The following PSMD1 variants were observed in gnomAD, a reference collection of about 807,000 sequenced individuals.
The protein encoded by PSMD1 is proteasome 26S subunit, non-ATPase 1, also known as 26S proteasome non-ATPase regulatory subunit 1.
PSMD1 carries 18 observed loss-of-function variants against 119.0 expected under a neutral mutation model. The observed-to-expected ratio is 0.15, with a 90% CI of 0.10 to 0.22. The LOEUF (loss-of-function observed/expected upper bound fraction) is 0.22. Among genes scored for constraint, PSMD1 ranks in the 10% least tolerant of loss-of-function variants. The pLI is 1.00. For missense variants in PSMD1, 702 were observed against 1,158.5 expected, an observed-to-expected ratio of 0.61 and a Z score of 5.72; for synonymous variants, 374 against 396.6, an observed-to-expected ratio of 0.94 and a Z score of 0.68.
intron 15 of PSMD1, among the ~76,000 whole-genome samples, chr2:231,086,666 AAGAG>A (rs928753775): frequency 2.6e-5 from 4 of 152,310 alleles, no homozygotes; most frequent in East Asian, 3.9e-4. Flanking sequence ...TAAAAAGAAA[AAGAG>A]AGAGAAAAGT....
intron 16 of PSMD1, among the ~76,000 whole-genome samples, chr2:231,136,261 C>T (rs900568089): frequency 1.3e-5 from 2 of 152,190 alleles, no homozygotes; most frequent in African/African-American, 4.8e-5. Context: ...GGCAGGACCT[C>T]CAAACTCAGT....
At chr2:231,117,551 A>G (rs998287800) in intron 16 of PSMD1, among the ~76,000 whole-genome samples, 10 of 152,200 alleles carry the variant, frequency 6.6e-5, no homozygotes, top group Admixed American at 5.9e-4. Flanking sequence ...CTTGTCTTAT[A>G]GACAATTGTT....
At chr2:231,124,234 T>G (rs538539876) in intron 16 of PSMD1, 1 of 164,246 alleles carries the variant, frequency 6.1e-6, no homozygotes, top group East Asian at 1.7e-4. Flanking sequence ...TGTTGTGCAT[T>G]TGTGACAATG....
At chr2:231,109,668 C>G (rs1695089346) in intron 16 of PSMD1, among the ~76,000 whole-genome samples, 1 of 152,180 alleles carries the variant, frequency 6.6e-6, no homozygotes, top group Non-Finnish European at 1.5e-5. Flanking sequence ...TATAGTATAT[C>G]CATGATACAG....
At chr2:231,133,153 T>TA (rs2125243177) in intron 16 of PSMD1, among the ~76,000 whole-genome samples, 1 of 152,294 alleles carries the variant, frequency 6.6e-6, no homozygotes, top group African/African-American at 2.4e-5. Flanking sequence ...GGGAATTAAA[T>TA]AGAGACAGAT....
Position 231,168,836 on chromosome 2 carries a change from G to T in PSMD1, c.2716-1730G>T, listed in dbSNP as rs79715030. 8.1e-3 allele frequency among the ~76,000 whole-genome samples: 1,238 copies of T among 152,302 alleles called. 19 individuals carry two copies. The highest frequency in any genetic ancestry group is 0.029 in the African/African-American group (1,187 of 41,548). ...AAGAAAACACTGCCTCTGTGTATGT[G>T]CAGTGACTCACTCCCCTACCCTCAG... On this transcript the variant is annotated intron_variant, in intron 23 of 24. Transcript: ENST00000308696.
intron 16 of PSMD1, among the ~76,000 whole-genome samples, chr2:231,115,120 G>C (rs1278170026): frequency 6.6e-6 from 1 of 151,966 alleles, no homozygotes; most frequent in Admixed American, 6.6e-5. Flanking sequence ...AGAACAACAA[G>C]AGACTCTTCT....
chr2:231,080,344 C>T (rs561024242), intron 12 of PSMD1, 30 bp downstream of exon 12: 1 of 1,493,626 alleles, frequency 6.7e-7, no homozygotes, highest in South Asian at 1.3e-5. Context: ...ACTAAATTTC[C>T]AAAACTCAAG....
chr2:231,130,113 G>A (rs1207171657), intron 16 of PSMD1, among the ~76,000 whole-genome samples: 8 of 152,060 alleles, frequency 5.3e-5, no homozygotes, highest in Non-Finnish European at 1.0e-4. Context: ...CCGGCCAATG[G>A]CACTGTTGTT....
Position 231,083,688 on chromosome 2 carries a change from A to C in PSMD1, c.1647A>C (p.Ala549=). The C allele has an allele frequency of 1.2e-6, 2 of 1,614,212 alleles. No homozygotes were observed. Among genetic ancestry groups the C allele is most frequent in the South Asian group, 1.1e-5 (1 of 91,088 alleles). ...ATGAGAAGATTCTGCGTGGTCTTGC[A>C]GTTGGCATAGCTTTAGTAATGTATG... ...TQHEKILRGL[A]VGIALVMYGR... The change falls in exon 14 of 25, where the codon GCA becomes GCC. Residue 549 remains alanine, a synonymous_variant. Transcript: ENST00000308696.
intron 22 of PSMD1, 115 bp downstream of exon 22, chr2:231,165,401 T>G: frequency 8.1e-7 from 1 of 1,237,070 alleles, no homozygotes; most frequent in Non-Finnish European, 1.1e-6. Context: ...CAAACAATTA[T>G]CCTGTTGCCA....
chr2:231,068,770 T>G (rs561233569), intron 5 of PSMD1, among the ~76,000 whole-genome samples: 30 of 152,170 alleles, frequency 2.0e-4, no homozygotes, highest in Non-Finnish European at 2.2e-4. Flanking sequence ...CTTATTCTAC[T>G]CAGTAATGGC....
chr2:231,100,332 G>A (rs548725556), intron 16 of PSMD1, among the ~76,000 whole-genome samples: 2 of 152,186 alleles, frequency 1.3e-5, no homozygotes, highest in South Asian at 2.1e-4. Context: ...TATCCCTGAC[G>A]CACATGGCCC....
At chr2:231,155,783 T>C (rs1473061657) in intron 19 of PSMD1, among the ~76,000 whole-genome samples, 6 of 151,966 alleles carry the variant, frequency 3.9e-5, no homozygotes, top group Non-Finnish European at 5.9e-5. Flanking sequence ...AATTTTAATA[T>C]TGAGGCATAG....
intron 16 of PSMD1, chr2:231,108,945 A>G: frequency 6.2e-7 from 1 of 1,614,132 alleles, no homozygotes; most frequent in Non-Finnish European, 8.5e-7. Flanking sequence ...GTAATAAAGA[A>G]GGGACACCAC....
At chr2:231,117,962 G>A (rs1049837645) in intron 16 of PSMD1, among the ~76,000 whole-genome samples, 1 of 152,084 alleles carries the variant, frequency 6.6e-6, no homozygotes, top group African/African-American at 2.4e-5. Context: ...GTTTTGGCTG[G>A]TCAGATTTCT....
chr2:231,063,212 T>C (rs571492298), intron 4 of PSMD1, among the ~76,000 whole-genome samples: 1 of 152,368 alleles, frequency 6.6e-6, no homozygotes, highest in Admixed American at 6.5e-5. Flanking sequence ...ACTTGTTTCC[T>C]TATTTTTGAA....
chr2:231,099,399 A>G (rs544006635), intron 16 of PSMD1, among the ~76,000 whole-genome samples: 4 of 152,340 alleles, frequency 2.6e-5, no homozygotes, highest in Admixed American at 2.0e-4. Context: ...AAGTTTGGTC[A>G]GAAGATTGAG....
At chr2:231,139,829 T>TA (rs942921194) in intron 17 of PSMD1, among the ~76,000 whole-genome samples, 9 of 152,172 alleles carry the variant, frequency 5.9e-5, no homozygotes, top group African/African-American at 2.2e-4. Flanking sequence ...TCAAAAGTTA[T>TA]AAAAAAAGAG....
Sources: gnomAD v4.1 joint callset for allele counts (sites outside exome capture counted in the v4.1 genomes callset) on GRCh38, gnomAD v4.1.1 for gene constraint, MANE v1.5 for transcripts, NCBI Gene and HGNC (gene_info 2026-07-23, HGNC 2026-07-21) for gene names.